The following FOXN3 variants were observed in gnomAD, a reference collection of about 807,000 sequenced individuals.
The protein encoded by FOXN3 is forkhead box N3.
A neutral mutation model predicts 38.4 loss-of-function variants in FOXN3; 7 were observed. That is an observed-to-expected ratio of 0.18 (90% CI 0.10 to 0.34). FOXN3 has a LOEUF of 0.34. Among genes scored for constraint, FOXN3 ranks in the 10% least tolerant of loss-of-function variants. FOXN3 has a pLI of 1.00. For synonymous variants in FOXN3, 230 were observed against 242.2 expected (o/e 0.95, Z 0.47); for missense variants, 456 against 613.4 (o/e 0.74, Z 2.71).
At chr14:89,360,727 C>CCACCTCCAG (rs1889467774) in intron 2 of FOXN3, among the ~76,000 whole-genome samples, 2 of 136,766 alleles carry the variant, frequency 1.5e-5, no homozygotes, top group Non-Finnish European at 1.6e-5. Flanking sequence ...ACCTCCACCA[C>CCACCTCCAG]CACCACCTCC....
At chr14:89,385,172 G>C (rs1316146730) in intron 2 of FOXN3, among the ~76,000 whole-genome samples, 1 of 152,150 alleles carries the variant, frequency 6.6e-6, no homozygotes, top group Non-Finnish European at 1.5e-5. Flanking sequence ...ACCTGATTGT[G>C]ACCTATATGT....
chr14:89,534,330 G>C (rs992666801), intron 1 of FOXN3, among the ~76,000 whole-genome samples: 5 of 151,968 alleles, frequency 3.3e-5, no homozygotes, highest in Non-Finnish European at 7.4e-5. Context: ...GTCTGGAACT[G>C]ACCTCAGGTG....
intron 1 of FOXN3, among the ~76,000 whole-genome samples, chr14:89,447,819 T>TTA (rs1892535920): frequency 1.5e-5 from 2 of 129,690 alleles, no homozygotes; most frequent in Non-Finnish European, 3.2e-5. Context: ...TCTTCCTTTT[T>TTA]TTTTTTTTTT....
intron 3 of FOXN3, among the ~76,000 whole-genome samples, chr14:89,284,033 G>A (rs1201442744): frequency 6.6e-6 from 1 of 152,104 alleles, no homozygotes; most frequent in Admixed American, 6.5e-5. Context: ...GCTAATTTTT[G>A]TATTTTTAGG....
intron 1 of FOXN3, among the ~76,000 whole-genome samples, chr14:89,541,944 C>T (rs1003756104): frequency 6.6e-6 from 1 of 152,004 alleles, no homozygotes; most frequent in Non-Finnish European, 1.5e-5. Context: ...GCCCAAAGAC[C>T]CAAGTTGTTA....
At chr14:89,528,376 C>CTT (rs55935162) in intron 1 of FOXN3, among the ~76,000 whole-genome samples, 1,138 of 53,578 alleles carry the variant, frequency 0.021, 137 homozygotes, top group Middle Eastern at 0.033. Flanking sequence ...ATGGATGAAT[C>CTT]TTTTTTTTTT....
intron 1 of FOXN3, among the ~76,000 whole-genome samples, chr14:89,603,123 A>C (rs1436539900): frequency 6.6e-6 from 1 of 152,038 alleles, no homozygotes; most frequent in Non-Finnish European, 1.5e-5. Flanking sequence ...TGGAAAGGGA[A>C]AAAAAAACAA....
chr14:89,166,238 G>A (rs1355551554), intron 5 of FOXN3, among the ~76,000 whole-genome samples: 2 of 152,208 alleles, frequency 1.3e-5, no homozygotes, highest in Non-Finnish European at 2.9e-5. Context: ...GCCTGAGAAT[G>A]TCTCTTTCTT....
chr14:89,193,811 G>C (rs766334563), intron 4 of FOXN3, among the ~76,000 whole-genome samples: 1 of 152,162 alleles, frequency 6.6e-6, no homozygotes, highest in Non-Finnish European at 1.5e-5. Context: ...GGTGTACCAC[G>C]TAGGAGAGTT....
At chr14:89,598,516 C>T (rs1213167045) in intron 1 of FOXN3, among the ~76,000 whole-genome samples, 2 of 152,160 alleles carry the variant, frequency 1.3e-5, no homozygotes, top group Non-Finnish European at 1.5e-5. Context: ...AACTCCTGGG[C>T]TCAAGTGATC....
intron 4 of FOXN3, among the ~76,000 whole-genome samples, chr14:89,263,371 C>A (rs557598506): frequency 7.9e-5 from 12 of 151,134 alleles, no homozygotes; most frequent in Middle Eastern, 3.4e-3. Context: ...AAAAAAAAAA[C>A]CAACTCATTC....
intron 4 of FOXN3, among the ~76,000 whole-genome samples, chr14:89,207,822 T>C (rs1888424665): frequency 6.6e-6 from 1 of 152,194 alleles, no homozygotes; most frequent in South Asian, 2.1e-4. Context: ...AAGAATGCCA[T>C]CAGGGAAGAC....
intron 3 of FOXN3, chr14:89,349,731 G>T (rs374426693): frequency 6.6e-6 from 1 of 152,428 alleles, no homozygotes; most frequent in East Asian, 1.9e-4. Context: ...CTTCATTAAT[G>T]CTATTTCAGA....
At chr14:89,254,493 A>T (rs1174722795) in intron 4 of FOXN3, among the ~76,000 whole-genome samples, 1 of 152,222 alleles carries the variant, frequency 6.6e-6, no homozygotes, top group Non-Finnish European at 1.5e-5. Flanking sequence ...GCTCAGGTCC[A>T]GCCAGTTGCT....
chr14:89,556,890 G>C (rs983687846), intron 1 of FOXN3, among the ~76,000 whole-genome samples: 1 of 152,168 alleles, frequency 6.6e-6, no homozygotes, highest in African/African-American at 2.4e-5. Flanking sequence ...TGGAGTGACA[G>C]AGCAAGGAAG....
At position 89,398,196 on chromosome 14, in the gene FOXN3, G is replaced by T. The variant is rs575114532; in HGVS notation, c.543+13738C>A. ...TCCTGGTCTCTTTTTATTTTGTTGA[G>T]TATCCTCCACCAGAGTTTTGTCATC... On this transcript the variant is annotated intron_variant, in intron 2 of 5. Coordinates refer to ENST00000557258, the MANE Select transcript of FOXN3 (RefSeq NM_005197.4). Among the ~76,000 whole-genome samples the T allele has an allele frequency of 3.3e-4, 50 of 152,256 alleles. No homozygotes were observed. In the South Asian group the frequency reaches 0.01, roughly 32 times the overall value.
intron 3 of FOXN3, among the ~76,000 whole-genome samples, chr14:89,325,343 C>CCAT (rs1888041696): frequency 6.8e-6 from 1 of 147,092 alleles, no homozygotes; most frequent in African/African-American, 2.5e-5. Flanking sequence ...ACCACCACCA[C>CCAT]CACCACCACC....
At chr14:89,426,272 T>C (rs1596268216) in intron 1 of FOXN3, among the ~76,000 whole-genome samples, 1 of 123,444 alleles carries the variant, frequency 8.1e-6, no homozygotes, top group Non-Finnish European at 1.6e-5. Context: ...TCACCCAGGG[T>C]GGAGCGCAGT....
intron 4 of FOXN3, among the ~76,000 whole-genome samples, chr14:89,266,468 T>G (rs1245490770): frequency 6.6e-6 from 1 of 152,104 alleles, no homozygotes; most frequent in East Asian, 1.9e-4. Flanking sequence ...GGCTTCAACA[T>G]ATAAATTTTG....
Sources: gnomAD v4.1 joint callset for allele counts (sites outside exome capture counted in the v4.1 genomes callset) on GRCh38, gnomAD v4.1.1 for gene constraint, MANE v1.5 for transcripts, NCBI Gene and HGNC (gene_info 2026-07-23, HGNC 2026-07-21) for gene names.